Variants in SLCO2A1 observed in about 807,000 individuals in gnomAD.
The protein encoded by SLCO2A1 is solute carrier organic anion transporter family member 2A1.
Under a neutral mutation model 71.7 loss-of-function variants are expected in SLCO2A1, and 60 were observed. That is an observed-to-expected ratio of 0.84 (90% CI 0.68 to 1.04). The LOEUF is 1.04. SLCO2A1 is among the 50% of genes least tolerant of loss of function. The pLI is 0.00. For missense variants in SLCO2A1, 745 were observed against 813.4 expected (o/e 0.92, Z 1.02); for synonymous variants, 308 against 326.7 (o/e 0.94, Z 0.62).
intron 1 of SLCO2A1, among the ~76,000 whole-genome samples, chr3:133,997,979 T>C (rs1448191356): frequency 6.6e-6 from 1 of 152,220 alleles, no homozygotes; most frequent in Non-Finnish European, 1.5e-5. Flanking sequence ...GCTCACAGCC[T>C]TGCTCACGGT....
chr3:134,011,978 G>C (rs1219825043), intron 1 of SLCO2A1, among the ~76,000 whole-genome samples: 1 of 152,196 alleles, frequency 6.6e-6, no homozygotes, highest in Non-Finnish European at 1.5e-5. Context: ...GCCTAGTGCA[G>C]GGGGCATCAT....
In SLCO2A1 at chr3:134,012,172, C is replaced by T. The variant is rs114005379; in HGVS notation, c.96+17535G>A. 7.5e-3 allele frequency among the ~76,000 whole-genome samples: 1,141 copies of T among 152,296 alleles called. 14 individuals carry two copies. The highest frequency in any genetic ancestry group is 0.024 in the African/African-American group (1,009 of 41,558). Reference sequence around the variant, plus strand: ...CACCTTCAGAGCCTAGTTTGGCTTTCAGAGGAGGGTGGCACTGACTACCTG... The same window carrying T: ...CACCTTCAGAGCCTAGTTTGGCTTTTAGAGGAGGGTGGCACTGACTACCTG... On this transcript the variant is annotated intron_variant, in intron 1 of 13. Coordinates refer to ENST00000310926, the MANE Select transcript of SLCO2A1 (RefSeq NM_005630.3).
intron 3 of SLCO2A1, among the ~76,000 whole-genome samples, chr3:133,971,273 G>A (rs1480996347): frequency 1.3e-5 from 2 of 152,256 alleles, no homozygotes; most frequent in Non-Finnish European, 2.9e-5. Flanking sequence ...AAGATGGCCA[G>A]CAACTCCTGA....
At chr3:133,953,394 C>T (rs1161906021) in intron 5 of SLCO2A1, among the ~76,000 whole-genome samples, 1 of 152,196 alleles carries the variant, frequency 6.6e-6, no homozygotes, top group Non-Finnish European at 1.5e-5. Context: ...ACCTGAGGTC[C>T]TGCCCTGGGT....
At chr3:133,987,703 A>G (rs1256564236) in intron 1 of SLCO2A1, among the ~76,000 whole-genome samples, 3 of 152,214 alleles carry the variant, frequency 2.0e-5, no homozygotes, top group Non-Finnish European at 4.4e-5. Context: ...CTCTTCAAAT[A>G]TCTTAGAGTT....
intron 2 of SLCO2A1, among the ~76,000 whole-genome samples, chr3:133,975,613 C>G (rs1375661579): frequency 1.3e-5 from 2 of 152,142 alleles, no homozygotes; most frequent in African/African-American, 4.8e-5. Context: ...ACAGCCTGCC[C>G]CCTGGTCACC....
chr3:133,992,881 T>C (rs1934883929), intron 1 of SLCO2A1, among the ~76,000 whole-genome samples: 1 of 152,138 alleles, frequency 6.6e-6, no homozygotes. Flanking sequence ...CGTGCAACCT[T>C]ATTACTCTTG....
intron 1 of SLCO2A1, among the ~76,000 whole-genome samples, chr3:134,024,731 A>G (rs1400359873): frequency 6.6e-6 from 1 of 152,244 alleles, no homozygotes; most frequent in East Asian, 1.9e-4. Flanking sequence ...AAACCTGAAT[A>G]TAAACGCTCC....
chr3:134,018,584 A>G (rs1250811141), intron 1 of SLCO2A1, among the ~76,000 whole-genome samples: 6 of 152,022 alleles, frequency 3.9e-5, no homozygotes, highest in African/African-American at 1.2e-4. Flanking sequence ...CACTGATTGG[A>G]TATACATTAC....
At chr3:133,950,481 C>A (rs1027296015) in intron 6 of SLCO2A1, among the ~76,000 whole-genome samples, 1 of 152,084 alleles carries the variant, frequency 6.6e-6, no homozygotes. Context: ...TTGCTGCATT[C>A]CCCATCTCTC....
chr3:133,943,673 C>T (rs1006440876), intron 10 of SLCO2A1, among the ~76,000 whole-genome samples: 1 of 152,046 alleles, frequency 6.6e-6, no homozygotes, highest in African/African-American at 2.4e-5. Flanking sequence ...TTACGGGAAA[C>T]TTGCCAAGAT....
At chr3:133,978,416 G>A (rs147831089) in intron 2 of SLCO2A1, among the ~76,000 whole-genome samples, 193 of 152,270 alleles carry the variant, frequency 1.3e-3, no homozygotes, top group African/African-American at 4.4e-3. Context: ...GACCGTAGAA[G>A]GGACTGTCAC....
chr3:133,953,737 A>G lies in SLCO2A1; in HGVS notation c.650T>C (p.Phe217Ser), dbSNP rs761386959. ...CAGCAGGTACCCGAAAGCCGGTCCA[A>G]ATACAGAGATGGCAAATAAGATGGC... is the stretch of plus-strand genomic sequence containing the variant. The part of the protein sequence containing the change: ...YISILFAISV[F>S]GPAFGYLLGS... The change falls in exon 5 of 14, where the codon TTT becomes TCT. Residue 217 changes from phenylalanine (F) to serine (S), a missense_variant. By Grantham distance (155) the Phe-to-Ser change is radical. Transcript: ENST00000310926. The G allele has an allele frequency of 1.2e-5, 20 of 1,614,160 alleles. No individual in the cohort carries two copies. Among genetic ancestry groups the G allele is most frequent in the Non-Finnish European group, 1.7e-5 (20 of 1,180,014 alleles).
chr3:133,983,323 C>T (rs1934637547), intron 1 of SLCO2A1, among the ~76,000 whole-genome samples: 1 of 152,224 alleles, frequency 6.6e-6, no homozygotes, highest in African/African-American at 2.4e-5. Context: ...CCTCAGCCAG[C>T]ATCAACCACC....
intron 5 of SLCO2A1, among the ~76,000 whole-genome samples, chr3:133,951,718 C>G (rs1195222584): frequency 6.6e-6 from 1 of 152,172 alleles, no homozygotes; most frequent in Non-Finnish European, 1.5e-5. Context: ...ACTGGGTTCT[C>G]TAGCAAGTCT....
intron 11 of SLCO2A1, among the ~76,000 whole-genome samples, chr3:133,938,781 T>C (rs1392926467): frequency 6.6e-6 from 1 of 152,098 alleles, no homozygotes; most frequent in Non-Finnish European, 1.5e-5. Context: ...CCCAGCAATC[T>C]GTATTTTACC....
Position 133,935,737 on chromosome 3 carries a change from C to T in SLCO2A1, c.1814+37G>A, listed in dbSNP as rs1484928054. 5 of 1,533,492 alleles carry T rather than the reference C, an allele frequency of 3.3e-6. No individual in the cohort carries two copies. In the Admixed American group the frequency reaches 5.6e-5, roughly 17 times the overall value. The allele number at this position is 1,533,492 out of a possible 1,614,324, so 95.0% of individuals were successfully genotyped here. On this transcript the variant is annotated intron_variant, in intron 13 of 13. Coordinates refer to ENST00000310926, the MANE Select transcript of SLCO2A1 (RefSeq NM_005630.3). ...GACTACTGTCATCTCAAGCCCAGGG[C>T]CTGGCTCTGGGACACACATACATGA...
intron 1 of SLCO2A1, among the ~76,000 whole-genome samples, chr3:134,025,315 C>T (rs1935679792): frequency 6.6e-6 from 1 of 152,054 alleles, no homozygotes; most frequent in Non-Finnish European, 1.5e-5. Flanking sequence ...TAATTCTATA[C>T]AAGGTATGTA....
chr3:133,945,900 C>CG (rs1286005753), intron 9 of SLCO2A1, among the ~76,000 whole-genome samples: 4 of 152,140 alleles, frequency 2.6e-5, no homozygotes, highest in Non-Finnish European at 5.9e-5. Flanking sequence ...GCACTGTGCC[C>CG]GGGGGCTTTA....
Sources: allele counts gnomAD v4.1 joint callset (sites outside exome capture counted in the v4.1 genomes callset), GRCh38; gene constraint gnomAD v4.1.1; transcripts MANE v1.5; gene names NCBI Gene and HGNC (gene_info 2026-07-23, HGNC 2026-07-21).